Variants in KCNB2 observed in about 807,000 individuals in gnomAD.
KCNB2 encodes delayed rectifier potassium channel protein.
Under a neutral mutation model 61.5 loss-of-function variants are expected in KCNB2, and 15 were observed. The observed-to-expected ratio is 0.24, with a 90% CI of 0.16 to 0.38. The LOEUF is 0.38. Ranked by LOEUF, KCNB2 falls within the 10% of genes least tolerant of loss-of-function variation. The pLI is 1.00. For missense variants in KCNB2, 828 were observed against 1,125.2 expected (o/e 0.74, Z 3.78); for synonymous variants, 457 against 446.0 (o/e 1.02, Z -0.31).
chr8:72,580,572 AT>A (rs1806875369), intron 2 of KCNB2, among the ~76,000 whole-genome samples: 1 of 152,106 alleles, frequency 6.6e-6, no homozygotes, highest in African/African-American at 2.4e-5. Context: ...CACCCTAAAT[AT>A]TTCACATTTT....
chr8:72,561,202 G>A lies in KCNB2; in HGVS notation c.-93-6440G>A, dbSNP rs181746103. ...ACACAGAGTCTTGCTCTGTCACTAG[G>A]CTGGAGTGCAGTGGCACAATCTCGG... On this transcript the variant is annotated intron_variant, in intron 1 of 2. Coordinates refer to ENST00000523207, the MANE Select transcript of KCNB2 (RefSeq NM_004770.3). Among the ~76,000 whole-genome samples the A allele has an allele frequency of 3.6e-4, 54 of 151,580 alleles. 1 individual carries two copies. The East Asian group carries it at 0.01, about 28-fold the overall frequency.
intron 2 of KCNB2, among the ~76,000 whole-genome samples, chr8:72,905,091 G>C (rs1806153977): frequency 2.0e-5 from 3 of 152,078 alleles, no homozygotes. Context: ...CAGTGTTCCT[G>C]CTCCTATCTA....
intron 2 of KCNB2, among the ~76,000 whole-genome samples, chr8:72,883,788 C>G (rs1490248003): frequency 6.6e-6 from 1 of 152,056 alleles, no homozygotes; most frequent in East Asian, 1.9e-4. Context: ...ACGTAGTGTT[C>G]CACTGTGAAA....
chr8:72,797,468 C>G (rs552683847), intron 2 of KCNB2, among the ~76,000 whole-genome samples: 1 of 152,282 alleles, frequency 6.6e-6, no homozygotes, highest in Admixed American at 6.5e-5. Flanking sequence ...GGGCTGCTCT[C>G]CCCACCCTAG....
At chr8:72,884,281 T>G (rs530368979) in intron 2 of KCNB2, among the ~76,000 whole-genome samples, 15 of 152,304 alleles carry the variant, frequency 9.8e-5, no homozygotes, top group African/African-American at 3.4e-4. Context: ...CTTCTTTATG[T>G]TGACTTGTAA....
At chr8:72,562,973 C>A (rs916075321) in intron 1 of KCNB2, among the ~76,000 whole-genome samples, 1 of 151,874 alleles carries the variant, frequency 6.6e-6, no homozygotes, top group African/African-American at 2.4e-5. Flanking sequence ...CAGAAAAGGA[C>A]ATAAATTTAA....
intron 2 of KCNB2, among the ~76,000 whole-genome samples, chr8:72,691,771 C>G (rs949472035): frequency 1.3e-5 from 2 of 152,130 alleles, no homozygotes; most frequent in Non-Finnish European, 2.9e-5. Flanking sequence ...CTTACTGTTT[C>G]CTTCTGTAAT....
chr8:72,910,552 T>C (rs11985365), intron 2 of KCNB2, among the ~76,000 whole-genome samples: 91,143 of 152,000 alleles, frequency 0.6, 28,540 homozygotes, highest in Middle Eastern at 0.71. Flanking sequence ...ATTATGGAAT[T>C]CAAGGGAAGA....
At chr8:72,565,437 C>T (rs1806609064) in intron 1 of KCNB2, among the ~76,000 whole-genome samples, 1 of 152,088 alleles carries the variant, frequency 6.6e-6, no homozygotes. Flanking sequence ...AAGCTGTTGA[C>T]TGTGTGAAAC....
At chr8:72,555,959 G>T (rs76744196) in intron 1 of KCNB2, among the ~76,000 whole-genome samples, 2 of 151,646 alleles carry the variant, frequency 1.3e-5, no homozygotes, top group African/African-American at 4.8e-5. Context: ...AATATCCTTC[G>T]TTTGTTTTTG....
At chr8:72,615,185 T>C (rs2128983724) in intron 2 of KCNB2, among the ~76,000 whole-genome samples, 1 of 152,378 alleles carries the variant, frequency 6.6e-6, no homozygotes, top group South Asian at 2.1e-4. Flanking sequence ...ATATAGTGGA[T>C]ACATCATTTG....
chr8:72,772,432 A>G (rs1808576041), intron 2 of KCNB2, among the ~76,000 whole-genome samples: 1 of 152,088 alleles, frequency 6.6e-6, no homozygotes, highest in Non-Finnish European at 1.5e-5. Context: ...GGCGGGCAAA[A>G]TTTCCCCTGA....
rs147963149 is a variant in KCNB2, at chr8:72,550,555, G to A, written c.-94+12670G>A. On this transcript the variant is annotated intron_variant, in intron 1 of 2. Coordinates refer to ENST00000523207, the MANE Select transcript of KCNB2 (RefSeq NM_004770.3). ...AAGGGATGGGGAGTAGCAGCATGCA[G>A]GCTGTGGTGTGCTAAATTGGGGAAG... is the stretch of plus-strand genomic sequence containing the variant. Among the ~76,000 whole-genome samples the A allele has an allele frequency of 6.6e-5, 10 of 152,312 alleles. No individual in the cohort carries two copies. In the East Asian group the frequency reaches 1.9e-3, roughly 29 times the overall value.
chr8:72,902,741 A>G (rs370795663), intron 2 of KCNB2, among the ~76,000 whole-genome samples: 26 of 152,318 alleles, frequency 1.7e-4, no homozygotes, highest in African/African-American at 6.3e-4. Context: ...TAAGGATATT[A>G]GTGATATCTA....
intron 2 of KCNB2, among the ~76,000 whole-genome samples, chr8:72,756,779 G>A (rs548728552): frequency 6.6e-6 from 1 of 152,314 alleles, no homozygotes; most frequent in South Asian, 2.1e-4. Flanking sequence ...ACAGCTTTGA[G>A]TGATCATGAA....
intron 2 of KCNB2, among the ~76,000 whole-genome samples, chr8:72,653,109 A>T (rs1327639008): frequency 6.6e-6 from 1 of 151,968 alleles, no homozygotes; most frequent in African/African-American, 2.4e-5. Context: ...ATAAGAAGAG[A>T]CTTGTCATTA....
intron 2 of KCNB2, among the ~76,000 whole-genome samples, chr8:72,693,685 C>A (rs573241687): frequency 8.6e-4 from 131 of 152,240 alleles, no homozygotes; most frequent in Non-Finnish European, 1.6e-3. Flanking sequence ...TCTGTGGACG[C>A]CTGCTCTCCC....
At chr8:72,872,038 T>G (rs1358273657) in intron 2 of KCNB2, among the ~76,000 whole-genome samples, 1 of 152,202 alleles carries the variant, frequency 6.6e-6, no homozygotes, top group Non-Finnish European at 1.5e-5. Context: ...TGCTCTTTTC[T>G]CAGCCTTAGA....
chr8:72,612,733 A>G (rs999718974), intron 2 of KCNB2, among the ~76,000 whole-genome samples: 1 of 152,178 alleles, frequency 6.6e-6, no homozygotes, highest in Non-Finnish European at 1.5e-5. Context: ...ATGCTACTGG[A>G]TGAAATAATT....
Sources: gnomAD v4.1 joint callset for allele counts (sites outside exome capture counted in the v4.1 genomes callset) on GRCh38, gnomAD v4.1.1 for gene constraint, MANE v1.5 for transcripts, NCBI Gene and HGNC (gene_info 2026-07-23, HGNC 2026-07-21) for gene names.